The following CNTNAP2 variants were observed in gnomAD, a reference collection of about 807,000 sequenced individuals.
CNTNAP2 encodes the protein contactin associated protein 2, also known as contactin-associated protein-like 2.
Under a neutral mutation model 155.2 loss-of-function variants are expected in CNTNAP2, and 98 were observed. That is an observed-to-expected ratio of 0.63 (90% CI 0.54 to 0.75). The LOEUF is 0.75. Among genes scored for constraint, CNTNAP2 ranks in the 30% least tolerant of loss-of-function variants. The pLI is 0.00. For synonymous variants in CNTNAP2, 651 were observed against 631.2 expected (o/e 1.03, Z -0.47); for missense variants, 1,727 against 1,688.1 (o/e 1.02, Z -0.40).
chr7:147,515,321 C>CTTTTT (rs763147267), intron 11 of CNTNAP2, among the ~76,000 whole-genome samples: 1,366 of 125,868 alleles, frequency 0.011, 81 homozygotes, highest in Non-Finnish European at 0.015. Flanking sequence ...TCATTATATT[C>CTTTTT]TTTTTTTGTT....
At chr7:147,213,092 G>A (rs1210669319) in intron 8 of CNTNAP2, among the ~76,000 whole-genome samples, 2 of 152,054 alleles carry the variant, frequency 1.3e-5, no homozygotes, top group African/African-American at 4.8e-5. Flanking sequence ...ATGCAATAAT[G>A]GATACTGATA....
rs184545290 is a variant in CNTNAP2 at position 147,627,123 on chromosome 7, C to A, written c.1898-11983C>A. Among the ~76,000 whole-genome samples, 21 of 152,234 alleles carry A rather than the reference C, an allele frequency of 1.4e-4. No individual in the cohort carries two copies. The Middle Eastern group carries it at 0.01, about 74-fold the overall frequency. ...CCCATCCCTAGGGTAAGGGGGGAAG[C>A]ACCACATCAAGGGATCACCCTGTGG... is the stretch of plus-strand genomic sequence containing the variant. On this transcript the variant is annotated intron_variant, in intron 12 of 23. Transcript: ENST00000361727.
chr7:146,739,729 G>A (rs575041786), intron 1 of CNTNAP2, among the ~76,000 whole-genome samples: 2 of 151,980 alleles, frequency 1.3e-5, no homozygotes, highest in East Asian at 3.9e-4. Context: ...GTCCATTGCT[G>A]TAAATGGGTT....
intron 13 of CNTNAP2, among the ~76,000 whole-genome samples, chr7:147,720,362 C>T (rs1247216355): frequency 6.6e-6 from 1 of 152,092 alleles, no homozygotes; most frequent in Non-Finnish European, 1.5e-5. Flanking sequence ...ACAGCATTCC[C>T]ATTTCCTTTC....
chr7:147,627,051 G>A (rs1794993079), intron 12 of CNTNAP2, among the ~76,000 whole-genome samples: 1 of 152,066 alleles, frequency 6.6e-6, no homozygotes, highest in African/African-American at 2.4e-5. Context: ...TTGGTAACCA[G>A]ACCCAAAAGA....
intron 1 of CNTNAP2, among the ~76,000 whole-genome samples, chr7:146,706,992 A>C (rs1401006785): frequency 6.6e-6 from 1 of 152,066 alleles, no homozygotes; most frequent in Non-Finnish European, 1.5e-5. Context: ...ATTCTACATT[A>C]GTGCTTGGCA....
intron 1 of CNTNAP2, among the ~76,000 whole-genome samples, chr7:146,262,389 G>A (rs1368494917): frequency 1.3e-5 from 2 of 152,074 alleles, no homozygotes; most frequent in African/African-American, 4.8e-5. Context: ...ATGGCCTATA[G>A]TATCAGTGCT....
In CNTNAP2 at chr7:147,552,236, C is replaced by T. The variant is rs192680149; in HGVS notation, c.1778-9902C>T. On this transcript the variant is annotated intron_variant, in intron 11 of 23. Coordinates refer to ENST00000361727, the MANE Select transcript of CNTNAP2 (RefSeq NM_014141.6). ...ACACAATTCTTTCTGCTATGGGAAA[C>T]GGCCTGTTTCATTTTCAAATTTTGA... 7.3e-4 allele frequency among the ~76,000 whole-genome samples: 111 copies of T among 152,102 alleles called. 1 individual carries two copies. Among genetic ancestry groups the T allele is most frequent in the African/African-American group, 2.5e-3 (103 of 41,512 alleles).
chr7:146,724,716 G>A (rs1227261195), intron 1 of CNTNAP2, among the ~76,000 whole-genome samples: 5 of 151,630 alleles, frequency 3.3e-5, no homozygotes, highest in African/African-American at 7.3e-5. Context: ...GATTACAGGC[G>A]CAGGCCACCA....
chr7:146,218,762 C>T (rs973698530), intron 1 of CNTNAP2, among the ~76,000 whole-genome samples: 20 of 152,098 alleles, frequency 1.3e-4, no homozygotes, highest in Non-Finnish European at 2.9e-5. Context: ...AATAGCCACA[C>T]ATGGCTAGTA....
chr7:146,284,879 A>G (rs1263550722), intron 1 of CNTNAP2, among the ~76,000 whole-genome samples: 1 of 152,060 alleles, frequency 6.6e-6, no homozygotes, highest in Admixed American at 6.6e-5. Flanking sequence ...TTTCCCTTCC[A>G]TTTCTCTGCT....
chr7:146,466,463 C>A (rs1417427288), intron 1 of CNTNAP2, among the ~76,000 whole-genome samples: 1 of 152,182 alleles, frequency 6.6e-6, no homozygotes, highest in African/African-American at 2.4e-5. Context: ...GTTTTCAACA[C>A]TGGTTAACTG....
chr7:146,853,377 AGACACAGGCACAT>A (rs1043845011), intron 3 of CNTNAP2, among the ~76,000 whole-genome samples: 46 of 152,172 alleles, frequency 3.0e-4, no homozygotes, highest in African/African-American at 1.0e-3. Context: ...TTGTGAAATA[AGACACAGGCACAT>A]GTACACACAC....
chr7:147,687,741 G>A (rs561840096), intron 13 of CNTNAP2, among the ~76,000 whole-genome samples: 3 of 152,178 alleles, frequency 2.0e-5, no homozygotes, highest in East Asian at 3.9e-4. Context: ...TGGGGGAGGA[G>A]CAAATTAAGA....
chr7:146,845,017 G>A (rs1304293148), intron 3 of CNTNAP2, among the ~76,000 whole-genome samples: 1 of 152,044 alleles, frequency 6.6e-6, no homozygotes, highest in Non-Finnish European at 1.5e-5. Flanking sequence ...GTATTAAATA[G>A]ATTACTTATT....
intron 13 of CNTNAP2, among the ~76,000 whole-genome samples, chr7:147,725,616 G>A (rs1282004452): frequency 1.3e-5 from 2 of 152,062 alleles, no homozygotes; most frequent in African/African-American, 4.8e-5. Context: ...GAACAAGGGA[G>A]GAAGAAGGCT....
At chr7:147,653,964 T>C (rs557743344) in intron 13 of CNTNAP2, among the ~76,000 whole-genome samples, 2 of 152,202 alleles carry the variant, frequency 1.3e-5, no homozygotes, top group South Asian at 4.1e-4. Flanking sequence ...TTATGAGACG[T>C]TGAAGTATAC....
intron 2 of CNTNAP2, among the ~76,000 whole-genome samples, chr7:146,802,507 TG>T (rs1214872024): frequency 6.6e-6 from 1 of 152,056 alleles, no homozygotes; most frequent in Non-Finnish European, 1.5e-5. Context: ...GAGATGATCA[TG>T]GGGGGCAAGA....
intron 1 of CNTNAP2, among the ~76,000 whole-genome samples, chr7:146,608,522 T>C (rs955427284): frequency 6.6e-6 from 1 of 152,162 alleles, no homozygotes; most frequent in Non-Finnish European, 1.5e-5. Context: ...AATTCCTTTG[T>C]ATAAAGTACA....
Sources: gnomAD v4.1 joint callset for allele counts (sites outside exome capture counted in the v4.1 genomes callset) on GRCh38, gnomAD v4.1.1 for gene constraint, MANE v1.5 for transcripts, NCBI Gene and HGNC (gene_info 2026-07-23, HGNC 2026-07-21) for gene names.